COL11A1: variants seen among roughly 807,000 people sequenced by gnomAD.
The protein encoded by COL11A1 is collagen alpha-1(XI) chain.
A neutral mutation model predicts 265.2 loss-of-function variants in COL11A1; 74 were observed. The ratio of observed to expected loss-of-function variants is 0.28; its 90% confidence interval spans 0.23 to 0.34. The LOEUF (loss-of-function observed/expected upper bound fraction) is 0.34. Ranked by LOEUF, COL11A1 falls within the 10% of genes least tolerant of loss-of-function variation. The pLI is 1.00. For synonymous variants in COL11A1, 816 were observed against 727.6 expected (o/e 1.12, Z -1.96); for missense variants, 2,165 against 2,263.6 (o/e 0.96, Z 0.88).
intron 41 of COL11A1, among the ~76,000 whole-genome samples, chr1:102,959,768 G>T (rs1489767095): frequency 3.9e-5 from 6 of 152,104 alleles, no homozygotes; most frequent in Admixed American, 3.9e-4. Context: ...TTTGAAAATT[G>T]TATCCCCTGG....
intron 54 of COL11A1, among the ~76,000 whole-genome samples, chr1:102,905,769 T>A (rs1653905243): frequency 6.6e-6 from 1 of 152,098 alleles, no homozygotes; most frequent in Non-Finnish European, 1.5e-5. Context: ...TTTATATTAG[T>A]ATTACAAATA....
chr1:103,059,449 A>G (rs543732281), intron 4 of COL11A1, among the ~76,000 whole-genome samples: 1 of 152,284 alleles, frequency 6.6e-6, no homozygotes, highest in African/African-American at 2.4e-5. Flanking sequence ...TACCCAGTGC[A>G]TCATGTTCAC....
Position 102,889,448 on chromosome 1 carries a change from T to G in COL11A1, c.4464+7A>C, listed in dbSNP as rs772289485. On this transcript the variant is annotated splice_region_variant and intron_variant, in intron 59 of 66. Coordinates refer to ENST00000370096, the MANE Select transcript of COL11A1 (RefSeq NM_001854.4). ...GAGTAGAAAAAATAACCTATATTTT[T>G]ACTCACCCCATCCCCTTTTGCTCCT... The G allele has an allele frequency of 6.3e-7, 1 of 1,598,530 alleles. No individual in the cohort carries two copies. Among genetic ancestry groups the G allele is most frequent in the Non-Finnish European group, 8.6e-7 (1 of 1,166,708 alleles).
intron 44 of COL11A1, among the ~76,000 whole-genome samples, chr1:102,938,711 G>A (rs1297840586): frequency 1.3e-5 from 2 of 152,062 alleles, no homozygotes; most frequent in Non-Finnish European, 2.9e-5. Context: ...GTAGAACATA[G>A]TAATACTGTT....
intron 46 of COL11A1, 70 bp from the exon 47 acceptor site, chr1:102,923,459 T>G: frequency 8.4e-7 from 1 of 1,192,914 alleles, no homozygotes; most frequent in South Asian, 1.4e-5. Flanking sequence ...GGTCAATTTC[T>G]AAGATAAAAT....
Position 102,927,875 on chromosome 1 carries a change from G to C in COL11A1, c.3601-4486C>G, listed in dbSNP as rs1271587857. 2.6e-5 allele frequency among the ~76,000 whole-genome samples: 4 copies of C among 152,090 alleles called. No individual in the cohort carries two copies. In the South Asian group the frequency reaches 6.2e-4, roughly 24 times the overall value. ...TACCTATTATTGTTTAACATGTGCT[G>C]TTGGCAGTTGCTTTTGGCAGGATCC... On this transcript the variant is annotated intron_variant, in intron 46 of 66. Transcript: ENST00000370096.
rs1323730385 is a variant in COL11A1 at position 103,012,414 on chromosome 1, A to G, written c.1628T>C (p.Val543Ala). Residue 543 changes from valine (V) to alanine (A), a missense_variant and splice_region_variant, in exon 14 of 67, where the codon GTG becomes GCG. Transcript: ENST00000370096. ...PMGLTGRPGP[V>A]GGPGSSGAKG... ...ATTATCTTTGTTGGGGTAACCTACC[A>G]CAGGACCTGGTCTTCCAGTTAGACC... The G allele has an allele frequency of 2.5e-6, 4 of 1,612,856 alleles. No homozygotes were observed. Among genetic ancestry groups the G allele is most frequent in the Non-Finnish European group, 1.7e-6 (2 of 1,179,078 alleles).
chr1:102,889,383 CTGTGTGTG>C (rs113226085), intron 59 of COL11A1, 64 bp downstream of exon 59: 51 of 800,056 alleles, frequency 6.4e-5, no homozygotes, highest in South Asian at 5.9e-4. Flanking sequence ...ACTTAAAGGA[CTGTGTGTG>C]TGTGTGTGTG....
chr1:103,080,619 G>A (rs970780568), intron 2 of COL11A1, among the ~76,000 whole-genome samples: 1 of 151,738 alleles, frequency 6.6e-6, no homozygotes, highest in East Asian at 1.9e-4. Flanking sequence ...ACTGCAATGA[G>A]CTATTACCCC....
At chr1:103,054,546 G>T (rs1389288205) in intron 4 of COL11A1, among the ~76,000 whole-genome samples, 1 of 151,782 alleles carries the variant, frequency 6.6e-6, no homozygotes, top group Non-Finnish European at 1.5e-5. Flanking sequence ...CTTAAATTCA[G>T]CAATAATAAA....
intron 41 of COL11A1, 70 bp downstream of exon 41, chr1:102,961,796 T>C (rs1660933025): frequency 1.5e-6 from 2 of 1,357,664 alleles, no homozygotes; most frequent in Non-Finnish European, 2.1e-6. Context: ...AATCACAGCA[T>C]GAGAGTAATG....
chr1:103,010,832 C>T (rs1328687839), intron 14 of COL11A1, among the ~76,000 whole-genome samples: 1 of 151,956 alleles, frequency 6.6e-6, no homozygotes, highest in Non-Finnish European at 1.5e-5. Flanking sequence ...TCCCGAGTAG[C>T]TGGGATTACA....
rs146595579 is a variant in COL11A1 at position 102,921,916 on chromosome 1, T to C, written c.3655-345A>G. 4.2e-3 allele frequency among the ~76,000 whole-genome samples: 646 copies of C among 152,288 alleles called. 1 individual carries two copies. The highest frequency in any genetic ancestry group is 6.8e-3 in the Middle Eastern group (2 of 294). ...TAAAGAGAATGTAAAGTTGGAAAAA[T>C]AAATGGTGCTTGAATAGAATTAGAA... is the stretch of plus-strand genomic sequence containing the variant. On this transcript the variant is annotated intron_variant, in intron 47 of 66. Coordinates refer to ENST00000370096, the MANE Select transcript of COL11A1 (RefSeq NM_001854.4).
In COL11A1 at chr1:102,986,171, T is replaced by C. The variant is rs78074563; in HGVS notation, c.2502+1462A>G. On this transcript the variant is annotated intron_variant, in intron 30 of 66. Coordinates refer to ENST00000370096, the MANE Select transcript of COL11A1 (RefSeq NM_001854.4). ...AAAGACTTGGAACCAACCCAAATGT[T>C]CAACAATGATAGACTGGATTAAGAA... Among the ~76,000 whole-genome samples the C allele has an allele frequency of 7.2e-5, 11 of 151,862 alleles. 1 individual carries two copies. Among genetic ancestry groups the C allele is most frequent in the African/African-American group, 2.4e-4 (10 of 41,446 alleles).
intron 4 of COL11A1, among the ~76,000 whole-genome samples, chr1:103,074,104 G>A (rs761628249): frequency 1.8e-4 from 27 of 151,928 alleles, no homozygotes; most frequent in Non-Finnish European, 3.2e-4. Context: ...ATCATAATTA[G>A]TGAAATATAA....
chr1:103,004,475 T>A lies in COL11A1; in HGVS notation c.1913A>T (p.Glu638Val). ...GDDGMRGEDG[E>V]IGPRGLPGEA... is the part of the protein sequence containing the mutation. ...ACCTGGAAGACCTCTTGGTCCAATT[T>A]CTCCATCTTCTCCCTGTCATTGACA... The change falls in exon 20 of 67, where the codon GAA (glutamate) becomes GTA (valine). Residue 638 changes from glutamate (E) to valine (V), a missense_variant. Coordinates refer to ENST00000370096, the MANE Select transcript of COL11A1 (RefSeq NM_001854.4). The A allele has an allele frequency of 1.2e-6, 2 of 1,611,942 alleles. No individual in the cohort carries two copies. The highest frequency in any genetic ancestry group is 2.2e-5 in the South Asian group (2 of 90,874).
chr1:102,960,801 G>C lies in COL11A1; in HGVS notation c.3168+1065C>G, dbSNP rs576530135. On this transcript the variant is annotated intron_variant, in intron 41 of 66. Transcript: ENST00000370096. ...AACTATGAAGATGACTTGCTGGCTA[G>C]GATAAGGAGCTTGGTTTCCAAAGGC... 1.7e-3 allele frequency among the ~76,000 whole-genome samples: 258 copies of C among 151,416 alleles called. 1 individual carries two copies. Among genetic ancestry groups the C allele is most frequent in the Middle Eastern group, 0.01 (3 of 294 alleles).
chr1:103,070,340 A>G (rs77130665), intron 4 of COL11A1, among the ~76,000 whole-genome samples: 7,852 of 151,556 alleles, frequency 0.052, 219 homozygotes, highest in Middle Eastern at 0.093. Flanking sequence ...TCACCAGTAC[A>G]GTCTATAGAC....
intron 42 of COL11A1, among the ~76,000 whole-genome samples, chr1:102,940,812 C>A (rs1434263534): frequency 1.3e-5 from 2 of 152,092 alleles, no homozygotes; most frequent in Non-Finnish European, 2.9e-5. Flanking sequence ...TCAAAAAATG[C>A]AGTTGCTCAT....
Sources: allele counts gnomAD v4.1 joint callset (sites outside exome capture counted in the v4.1 genomes callset), GRCh38; gene constraint gnomAD v4.1.1; transcripts MANE v1.5; gene names NCBI Gene and HGNC (gene_info 2026-07-23, HGNC 2026-07-21).